The following HMBOX1 variants were observed in gnomAD, a reference collection of about 807,000 sequenced individuals.
The protein encoded by HMBOX1 is homeobox-containing protein 1.
A neutral mutation model predicts 54.5 loss-of-function variants in HMBOX1; 14 were observed. That is an observed-to-expected ratio of 0.26 (90% confidence interval 0.17 to 0.40). HMBOX1 has a LOEUF of 0.40. Among genes scored for constraint, HMBOX1 ranks in the 10% least tolerant of loss-of-function variants. The probability of loss-of-function intolerance (pLI) is 1.00; values close to 1 mark genes in which losing one functional copy is unlikely to be tolerated. For missense variants in HMBOX1, 332 were observed against 514.4 expected, an observed-to-expected ratio of 0.65 and a Z score of 3.43; for synonymous variants, 160 against 181.0, an observed-to-expected ratio of 0.88 and a Z score of 0.93.
chr8:28,973,263 C>T (rs537014835), intron 3 of HMBOX1, among the ~76,000 whole-genome samples: 137 of 152,240 alleles, frequency 9.0e-4, no homozygotes, highest in South Asian at 7.7e-3. Flanking sequence ...AAATACTTTG[C>T]CCAAGAGAAC....
intron 1 of HMBOX1, among the ~76,000 whole-genome samples, chr8:28,929,879 A>G (rs1250050534): frequency 6.6e-6 from 1 of 152,032 alleles, no homozygotes; most frequent in African/African-American, 2.4e-5. Context: ...TGTGTTCACA[A>G]TGTTGAATAG....
intron 6 of HMBOX1, among the ~76,000 whole-genome samples, chr8:29,019,282 T>C (rs1385773564): frequency 1.3e-5 from 2 of 152,230 alleles, no homozygotes; most frequent in African/African-American, 4.8e-5. Context: ...GATTTAACTT[T>C]CCTTTAATAA....
chr8:28,959,475 C>T (rs1028677393), intron 1 of HMBOX1, among the ~76,000 whole-genome samples: 1 of 152,108 alleles, frequency 6.6e-6, no homozygotes. Context: ...TATTCTCGGA[C>T]CATGGTTACT....
Position 29,051,241 on chromosome 8 carries a change from A to C in HMBOX1, c.*86A>C. Reference sequence around the variant, plus strand: ...CTCGGTCCTTAACATGTGTTCTTACAGTATAACTTGCAGTTTCTTGTATGT... The same window carrying C: ...CTCGGTCCTTAACATGTGTTCTTACCGTATAACTTGCAGTTTCTTGTATGT... On this transcript the variant is annotated 3_prime_UTR_variant, in exon 10 of 10. Coordinates refer to ENST00000287701, the MANE Select transcript of HMBOX1 (RefSeq NM_001135726.3). 3 of 1,450,678 alleles carry C rather than the reference A, an allele frequency of 2.1e-6. No individual in the cohort carries two copies. The highest frequency in any genetic ancestry group is 2.8e-6 in the Non-Finnish European group (3 of 1,059,274). 89.9% of individuals were successfully genotyped at this position (1,450,678 alleles called of 1,614,324 possible).
Position 29,009,171 on chromosome 8 carries a change from A to C in HMBOX1, c.686A>C (p.Lys229Thr). The C allele has an allele frequency of 1.9e-6, 3 of 1,610,520 alleles. No individual in the cohort carries two copies. The highest frequency in any genetic ancestry group is 2.5e-6 in the Non-Finnish European group (3 of 1,176,804). Residue 229 changes from lysine (K) to threonine (T), a missense_variant, in exon 5 of 10, where the codon AAG becomes ACG. Transcript: ENST00000287701. ...RAFYRWYQLEKTNPGATLSMR... is the reference protein window; with the variant it reads ...RAFYRWYQLETTNPGATLSMR... Reference sequence around the variant, plus strand: ...TTTTACCGATGGTATCAACTTGAGAAGACAAACCCTGGTAAATAGCATTTC... The same window carrying C: ...TTTTACCGATGGTATCAACTTGAGACGACAAACCCTGGTAAATAGCATTTC...
chr8:28,997,335 C>G (rs1045761012), intron 4 of HMBOX1, among the ~76,000 whole-genome samples: 1 of 151,996 alleles, frequency 6.6e-6, no homozygotes, highest in African/African-American at 2.4e-5. Flanking sequence ...TTTTGTCATG[C>G]TTTTTCTGTG....
intron 4 of HMBOX1, among the ~76,000 whole-genome samples, chr8:29,002,924 T>C (rs371976964): frequency 6.6e-6 from 1 of 152,170 alleles, no homozygotes; most frequent in African/African-American, 2.4e-5. Context: ...TTTTCCCCTT[T>C]CATCTGAATT....
At chr8:29,049,223 T>A in intron 9 of HMBOX1, 175 bp downstream of exon 9, 5 of 1,510,092 alleles carry the variant, frequency 3.3e-6, no homozygotes, top group Non-Finnish European at 2.7e-6. Flanking sequence ...TGTGGTAAGA[T>A]TCAGTTGTCC....
chr8:28,997,239 T>G lies in HMBOX1; in HGVS notation c.587-11833T>G, dbSNP rs1182960341. On this transcript the variant is annotated intron_variant, in intron 4 of 9. Coordinates refer to ENST00000287701, the MANE Select transcript of HMBOX1 (RefSeq NM_001135726.3). The stretch of plus-strand genomic sequence containing the variant: ...GTTACGTATGATGTCAGCTGTTGTT[T>G]GTTCATATATACCCTATATCAGGGT... Among the ~76,000 whole-genome samples, 6 of 152,228 alleles carry G rather than the reference T, an allele frequency of 3.9e-5. No homozygotes were observed. In the East Asian group the frequency reaches 1.2e-3, roughly 29 times the overall value.
chr8:29,049,326 GGAA>G, intron 9 of HMBOX1: 2 of 1,534,330 alleles, frequency 1.3e-6, no homozygotes, highest in African/African-American at 1.4e-5. Context: ...GGAGGAGGAG[GGAA>G]GAAGTTCAGA....
intron 1 of HMBOX1, among the ~76,000 whole-genome samples, chr8:28,894,246 G>T (rs1350729295): frequency 2.0e-5 from 3 of 152,122 alleles, no homozygotes; most frequent in African/African-American, 7.2e-5. Context: ...CTTGTCTAGA[G>T]TGCCATATAT....
chr8:28,997,506 A>G (rs933881619), intron 4 of HMBOX1, among the ~76,000 whole-genome samples: 2 of 152,056 alleles, frequency 1.3e-5, no homozygotes, highest in Admixed American at 6.6e-5. Flanking sequence ...GTTTGCTAGC[A>G]TTTTGTTGAG....
At chr8:29,031,258 A>C (rs1802920297) in intron 6 of HMBOX1, among the ~76,000 whole-genome samples, 1 of 152,224 alleles carries the variant, frequency 6.6e-6, no homozygotes, top group African/African-American at 2.4e-5. Context: ...AAATTCAGCG[A>C]ATGTTTTTCC....
chr8:28,896,614 A>G (rs1812169265), intron 1 of HMBOX1, among the ~76,000 whole-genome samples: 1 of 148,904 alleles, frequency 6.7e-6, no homozygotes, highest in African/African-American at 2.4e-5. Flanking sequence ...GTCCCATAAG[A>G]TTATATCATA....
At chr8:29,001,321 G>A (rs148041144) in intron 4 of HMBOX1, among the ~76,000 whole-genome samples, 47 of 152,282 alleles carry the variant, frequency 3.1e-4, no homozygotes, top group South Asian at 1.0e-3. Flanking sequence ...AGGCCAAGGC[G>A]GGTGGCTCAC....
chr8:29,010,831 C>G (rs1018370809), intron 5 of HMBOX1, among the ~76,000 whole-genome samples: 1 of 152,072 alleles, frequency 6.6e-6, no homozygotes, highest in Admixed American at 6.6e-5. Flanking sequence ...ATTGGGATAT[C>G]TCTTAAATCT....
chr8:28,940,911 A>G (rs1481057872), intron 1 of HMBOX1, among the ~76,000 whole-genome samples: 1 of 152,228 alleles, frequency 6.6e-6, no homozygotes, highest in East Asian at 1.9e-4. Context: ...TACAAAGTAT[A>G]ATACTAATAC....
intron 3 of HMBOX1, among the ~76,000 whole-genome samples, chr8:28,979,825 A>C (rs577017581): frequency 6.6e-6 from 1 of 152,322 alleles, no homozygotes; most frequent in African/African-American, 2.4e-5. Context: ...ATCCTCTGGT[A>C]TGAGACATAT....
At chr8:28,892,353 CTT>C (rs1323504734) in intron 1 of HMBOX1, among the ~76,000 whole-genome samples, 3 of 152,066 alleles carry the variant, frequency 2.0e-5, no homozygotes, top group South Asian at 4.1e-4. Context: ...TGCAACATCT[CTT>C]ATTTCTCACA....
Sources: allele counts gnomAD v4.1 joint callset (sites outside exome capture counted in the v4.1 genomes callset), GRCh38; gene constraint gnomAD v4.1.1; transcripts MANE v1.5; gene names NCBI Gene and HGNC (gene_info 2026-07-23, HGNC 2026-07-21).